Variants in PCDHB7 observed in about 807,000 individuals in gnomAD.
PCDHB7 encodes the protein protocadherin beta 7, also known as protocadherin beta-7.
For synonymous variants in PCDHB7, 542 were observed against 463.1 expected (o/e 1.17, Z -2.19); for missense variants, 1,148 against 1,011.6 (o/e 1.13, Z -1.83).
Position 141,172,683 on chromosome 5 carries a change from G to A in PCDHB7, c.-153G>A, listed in dbSNP as rs1753242244. Reference sequence around the variant, plus strand: ...ATCTGAAGAGAAAAGCATAGGAAAGGAAACAGTGGTAATAGGAATTGGGGT... The same window carrying A: ...ATCTGAAGAGAAAAGCATAGGAAAGAAAACAGTGGTAATAGGAATTGGGGT... On this transcript the variant is annotated 5_prime_UTR_variant, in exon 1 of 1. Transcript: ENST00000231137. 1 of 614,758 alleles carries A rather than the reference G, an allele frequency of 1.6e-6. No individual in the cohort carries two copies. Among genetic ancestry groups the A allele is most frequent in the Non-Finnish European group, 2.9e-6 (1 of 349,902 alleles). The allele number at this position is 614,758 out of a possible 1,614,324, so 38.1% of individuals were successfully genotyped here.
Position 141,174,048 on chromosome 5 carries a change from A to G in PCDHB7, c.1213A>G (p.Thr405Ala). 6.2e-7 allele frequency: 1 copy of G among 1,614,066 alleles called. No individual in the cohort carries two copies. The highest frequency in any genetic ancestry group is 2.2e-5 in the East Asian group (1 of 44,866). The change falls in exon 1 of 1, where the codon ACA (threonine) becomes GCA (alanine). Residue 405 changes from threonine to alanine, a missense_variant. Thr to Ala is a moderately conservative substitution (Grantham distance 58, BLOSUM62 0). Transcript: ENST00000231137. ...TGTCGAAAACTTCTATACTCTGGTA[A>G]CAGAGAAACCTTTGGATCGAGAGAG... ...PSVENFYTLV[T>A]EKPLDRERNT...
In PCDHB7 at chr5:141,175,700, T is replaced by C. The variant is rs1753365442; in HGVS notation, c.*483T>C. On this transcript the variant is annotated 3_prime_UTR_variant, in exon 1 of 1. Transcript: ENST00000231137. ...TTAGGAATGAACAAATAGATGGTCT[T>C]AGAGATTCAGTAAGTTCACTAAGTT... 5.6e-6 allele frequency: 1 copy of C among 177,124 alleles called. No homozygotes were observed. Among genetic ancestry groups the C allele is most frequent in the Admixed American group, 6.0e-5 (1 of 16,674 alleles). 11.0% of individuals were successfully genotyped at this position (177,124 alleles called of 1,614,324 possible).
chr5:141,174,408 C>A lies in PCDHB7; in HGVS notation c.1573C>A (p.Gln525Lys), dbSNP rs1554280232. ...ALRSLDYEALQAFEFRVGATD... is the reference protein window; with the variant it reads ...ALRSLDYEALKAFEFRVGATD... ...CAGGTCCCTGGACTACGAGGCCCTG[C>A]AGGCGTTCGAGTTCCGCGTGGGCGC... The change falls in exon 1 of 1, where the codon CAG becomes AAG. Residue 525 changes from glutamine (Q) to lysine (K), a missense_variant. Transcript: ENST00000231137. The A allele has an allele frequency of 1.2e-6, 2 of 1,612,388 alleles. No homozygotes were observed. The highest frequency in any genetic ancestry group is 2.2e-5 in the East Asian group (1 of 44,846).
At position 141,174,764 on chromosome 5, in the gene PCDHB7, G is replaced by T. The variant is rs367613098; in HGVS notation, c.1929G>T (p.Leu643=). 2.7e-5 allele frequency: 43 copies of T among 1,611,264 alleles called. No individual in the cohort carries two copies. The highest frequency in any genetic ancestry group is 2.5e-4 in the East Asian group (11 of 44,836). The change falls in exon 1 of 1, where the codon CTG becomes CTT. Residue 643 remains leucine, a synonymous_variant. Coordinates refer to ENST00000231137, the MANE Select transcript of PCDHB7 (RefSeq NM_018940.4). ...CAGCCAAGCAGAGGCTGGTGGTGCT[G>T]GTCAAGGACAATGGCGAGCCTCCGC... ...RDAAKQRLVV[L]VKDNGEPPRS...
rs1366391414 is a variant in PCDHB7 at position 141,174,438 on chromosome 5, G to C, written c.1603G>C (p.Asp535His). The C allele has an allele frequency of 6.2e-7, 1 of 1,611,764 alleles. No individual in the cohort carries two copies. Among genetic ancestry groups the C allele is most frequent in the Non-Finnish European group, 8.5e-7 (1 of 1,179,796 alleles). Residue 535 changes from aspartate to histidine, a missense_variant, in exon 1 of 1, where the codon GAC (aspartate) becomes CAC (histidine). Coordinates refer to ENST00000231137, the MANE Select transcript of PCDHB7 (RefSeq NM_018940.4). ...QAFEFRVGATDRGSPALSSEA... is the reference protein window; with the variant it reads ...QAFEFRVGATHRGSPALSSEA... Reference sequence around the variant, plus strand: ...GTTCGAGTTCCGCGTGGGCGCCACAGACCGCGGCTCCCCCGCGCTGAGCAG... The same window carrying C: ...GTTCGAGTTCCGCGTGGGCGCCACACACCGCGGCTCCCCCGCGCTGAGCAG...
chr5:141,173,106 G>T lies in PCDHB7; in HGVS notation c.271G>T (p.Asp91Tyr). Residue 91 changes from aspartate (D) to tyrosine (Y), a missense_variant, in exon 1 of 1, where the codon GAC becomes TAC. Physicochemically the swap from Asp to Tyr is radical, Grantham distance 160. Coordinates refer to ENST00000231137, the MANE Select transcript of PCDHB7 (RefSeq NM_018940.4). ...TGATCTACTTCTAAATGAGAAATTG[G>T]ACCGAGAGGAACTGTGTGGCCCCAG... ...TGDLLLNEKL[D>Y]REELCGPREP... 6.2e-7 allele frequency: 1 copy of T among 1,614,190 alleles called. No homozygotes were observed. The highest frequency in any genetic ancestry group is 1.1e-5 in the South Asian group (1 of 91,084).
chr5:141,175,305 C>A lies in PCDHB7; in HGVS notation c.*88C>A. 1 of 1,274,202 alleles carries A rather than the reference C, an allele frequency of 7.8e-7. No homozygotes were observed. The highest frequency in any genetic ancestry group is 2.4e-5 in the Admixed American group (1 of 41,228). 78.9% of individuals were successfully genotyped at this position (1,274,202 alleles called of 1,614,324 possible). ...TTCCCTTAAGGGAGTGTCTTTACATCATTTCAAATATGTACTCTTGAAGTC... is the reference window on the plus strand; with the variant it reads ...TTCCCTTAAGGGAGTGTCTTTACATAATTTCAAATATGTACTCTTGAAGTC... On this transcript the variant is annotated 3_prime_UTR_variant, in exon 1 of 1. Transcript: ENST00000231137.
At position 141,173,281 on chromosome 5, in the gene PCDHB7, G is replaced by C. The variant is rs782446116; in HGVS notation, c.446G>C (p.Gly149Ala). The C allele has an allele frequency of 6.6e-5, 107 of 1,613,968 alleles. No homozygotes were observed. The highest frequency in any genetic ancestry group is 8.4e-5 in the Non-Finnish European group (99 of 1,180,016). The part of the protein sequence containing the change: ...SLKILESTTP[G>A]AAFLLESAQD... Reference sequence around the variant, plus strand: ...AAAATATTAGAAAGTACCACTCCAGGGGCGGCATTTCTCCTAGAGAGTGCA... The same window carrying C: ...AAAATATTAGAAAGTACCACTCCAGCGGCGGCATTTCTCCTAGAGAGTGCA... Residue 149 changes from glycine to alanine, a missense_variant, in exon 1 of 1, where the codon GGG becomes GCG. By Grantham distance (60) the Gly-to-Ala change is moderately conservative. Transcript: ENST00000231137.
chr5:141,175,474 T>C lies in PCDHB7; in HGVS notation c.*257T>C, dbSNP rs1192742850. The C allele has an allele frequency of 2.4e-5, 12 of 510,634 alleles. No individual in the cohort carries two copies. The South Asian group carries it at 2.4e-4, about 10-fold the overall frequency. 31.6% of individuals were successfully genotyped at this position (510,634 alleles called of 1,614,324 possible). On this transcript the variant is annotated 3_prime_UTR_variant, in exon 1 of 1. Coordinates refer to ENST00000231137, the MANE Select transcript of PCDHB7 (RefSeq NM_018940.4). ...TATTAAATGTAAGTCTTGTTTGAGA[T>C]ATTTTAAATTGCTTTCCATTGTTTT...
chr5:141,173,418 G>C lies in PCDHB7; in HGVS notation c.583G>C (p.Val195Leu). ...SGEGNIYPEL[V>L]LNQVLDREEI... Reference sequence around the variant, plus strand: ...GGAGGGGAATATCTATCCCGAATTGGTGCTGAATCAAGTGCTGGATCGGGA... The same window carrying C: ...GGAGGGGAATATCTATCCCGAATTGCTGCTGAATCAAGTGCTGGATCGGGA... Residue 195 changes from valine (V) to leucine (L), a missense_variant, in exon 1 of 1, where the codon GTG becomes CTG. Coordinates refer to ENST00000231137, the MANE Select transcript of PCDHB7 (RefSeq NM_018940.4). The C allele has an allele frequency of 6.2e-7, 1 of 1,614,148 alleles. No homozygotes were observed. Among genetic ancestry groups the C allele is most frequent in the South Asian group, 1.1e-5 (1 of 91,072 alleles).
Position 141,173,178 on chromosome 5 carries a change from C to A in PCDHB7, c.343C>A (p.Gln115Lys), listed in dbSNP as rs573512962. Residue 115 changes from glutamine (Q) to lysine (K), a missense_variant, in exon 1 of 1, where the codon CAG becomes AAG. Coordinates refer to ENST00000231137, the MANE Select transcript of PCDHB7 (RefSeq NM_018940.4). ...PFQLLLEKPF[Q>K]IFRAELWVRD... is the part of the protein sequence containing the mutation. Reference sequence around the variant, plus strand: ...CCAGTTGTTATTGGAAAAACCTTTTCAGATTTTCCGTGCTGAACTATGGGT... The same window carrying A: ...CCAGTTGTTATTGGAAAAACCTTTTAAGATTTTCCGTGCTGAACTATGGGT... 6.2e-7 allele frequency: 1 copy of A among 1,613,642 alleles called. No individual in the cohort carries two copies. The highest frequency in any genetic ancestry group is 1.3e-5 in the African/African-American group (1 of 74,874).
rs1588349593 is a variant in PCDHB7, at chr5:141,174,727, G to A, written c.1892G>A (p.Ser631Asn). 6.2e-7 allele frequency: 1 copy of A among 1,611,112 alleles called. No homozygotes were observed. Among genetic ancestry groups the A allele is most frequent in the Non-Finnish European group, 8.5e-7 (1 of 1,179,758 alleles). Reference sequence around the variant, plus strand: ...GAGGTGCGTACCGCCAGGCTGCTGAGCGAGCGCGACGCAGCCAAGCAGAGG... The same window carrying A: ...GAGGTGCGTACCGCCAGGCTGCTGAACGAGCGCGACGCAGCCAAGCAGAGG... ...NGEVRTARLL[S>N]ERDAAKQRLV... The change falls in exon 1 of 1, where the codon AGC becomes AAC. Residue 631 changes from serine to asparagine, a missense_variant. By Grantham distance (46) the Ser-to-Asn change is conservative. Transcript: ENST00000231137.
At position 141,173,960 on chromosome 5, in the gene PCDHB7, C is replaced by T. The variant is rs1563916158; in HGVS notation, c.1125C>T (p.Ser375=). 2 of 1,613,756 alleles carry T rather than the reference C, an allele frequency of 1.2e-6. No homozygotes were observed. Among genetic ancestry groups the T allele is most frequent in the East Asian group, 2.2e-5 (1 of 44,860 alleles). ...VAVFRIRDRD[S]GNNGKTVCSI... Reference sequence around the variant, plus strand: ...TTTTTAGGATTAGAGACAGAGATTCCGGGAACAATGGAAAGACAGTGTGCT... The same window carrying T: ...TTTTTAGGATTAGAGACAGAGATTCTGGGAACAATGGAAAGACAGTGTGCT... The change falls in exon 1 of 1, where the codon TCC becomes TCT. Residue 375 remains serine, a synonymous_variant. Transcript: ENST00000231137.
rs782810712 is a variant in PCDHB7, at chr5:141,172,852, A to G, written c.17A>G (p.Glu6Gly). ...CAAAGAAGAATGGAGGCCAGAGTGGAGCGTGCTGTGCAGAAAAGGCAAGTC... is the reference window on the plus strand; with the variant it reads ...CAAAGAAGAATGGAGGCCAGAGTGGGGCGTGCTGTGCAGAAAAGGCAAGTC... MEARV[E>G]RAVQKRQVLF... The change falls in exon 1 of 1, where the codon GAG becomes GGG. Residue 6 changes from glutamate to glycine, a missense_variant. Physicochemically the swap from Glu to Gly is moderately conservative, Grantham distance 98 (BLOSUM62 -2). Coordinates refer to ENST00000231137, the MANE Select transcript of PCDHB7 (RefSeq NM_018940.4). The G allele has an allele frequency of 2.5e-6, 4 of 1,612,834 alleles. No homozygotes were observed. In the East Asian group the frequency reaches 8.9e-5, roughly 36 times the overall value.
rs1554280239 is a variant in PCDHB7 at position 141,174,428 on chromosome 5, G to C, written c.1593G>C (p.Val531=). The change falls in exon 1 of 1, where the codon GTG becomes GTC. Residue 531 remains valine, a synonymous_variant. Transcript: ENST00000231137. ...YEALQAFEFR[V]GATDRGSPAL... The stretch of plus-strand genomic sequence containing the variant: ...CCCTGCAGGCGTTCGAGTTCCGCGT[G>C]GGCGCCACAGACCGCGGCTCCCCCG... 3 of 1,611,976 alleles carry C rather than the reference G, an allele frequency of 1.9e-6. No homozygotes were observed. Among genetic ancestry groups the C allele is most frequent in the Non-Finnish European group, 2.5e-6 (3 of 1,179,762 alleles).
chr5:141,172,920 G>A lies in PCDHB7; in HGVS notation c.85G>A (p.Glu29Lys), dbSNP rs782787249. 1.3e-5 allele frequency: 21 copies of A among 1,614,064 alleles called. No homozygotes were observed. The highest frequency in any genetic ancestry group is 2.2e-5 in the East Asian group (1 of 44,890). ...TCTGGGAATGTCTTGGGCTGGCGCC[G>A]AACCGCTTCGGTATTTTGTGGCGGA... is the stretch of plus-strand genomic sequence containing the variant. ...VFLGMSWAGA[E>K]PLRYFVAEET... Residue 29 changes from glutamate to lysine, a missense_variant, in exon 1 of 1, where the codon GAA (glutamate) becomes AAA (lysine). Coordinates refer to ENST00000231137, the MANE Select transcript of PCDHB7 (RefSeq NM_018940.4).
chr5:141,173,661 G>A lies in PCDHB7; in HGVS notation c.826G>A (p.Glu276Lys), dbSNP rs782536908. The change falls in exon 1 of 1, where the codon GAA becomes AAA. Residue 276 changes from glutamate (E) to lysine (K), a missense_variant. Physicochemically the swap from Glu to Lys is moderately conservative, Grantham distance 56. Transcript: ENST00000231137. ...ARDLDTGSNG[E>K]IAYAFSYATE... ...AGATTTAGATACCGGAAGTAATGGG[G>A]AAATAGCCTATGCATTTTCTTACGC... 12 of 1,614,170 alleles carry A rather than the reference G, an allele frequency of 7.4e-6. No homozygotes were observed. The South Asian group carries it at 1.2e-4, about 16-fold the overall frequency.
Position 141,174,435 on chromosome 5 carries a change from A to G in PCDHB7, c.1600A>G (p.Thr534Ala), listed in dbSNP as rs17844463. The G allele has an allele frequency of 1.2e-5, 20 of 1,611,718 alleles. No homozygotes were observed. The African/African-American group carries it at 2.3e-4, about 18-fold the overall frequency. ...GGCGTTCGAGTTCCGCGTGGGCGCC[A>G]CAGACCGCGGCTCCCCCGCGCTGAG... is the stretch of plus-strand genomic sequence containing the variant. ...LQAFEFRVGA[T>A]DRGSPALSSE... The change falls in exon 1 of 1, where the codon ACA becomes GCA. Residue 534 changes from threonine (T) to alanine (A), a missense_variant. Thr to Ala is a moderately conservative substitution (Grantham distance 58). Coordinates refer to ENST00000231137, the MANE Select transcript of PCDHB7 (RefSeq NM_018940.4).
At position 141,173,474 on chromosome 5, in the gene PCDHB7, C is replaced by T; in HGVS notation, c.639C>T (p.Thr213=). 6.2e-7 allele frequency: 1 copy of T among 1,614,160 alleles called. No individual in the cohort carries two copies. Among genetic ancestry groups the T allele is most frequent in the African/African-American group, 1.3e-5 (1 of 75,042 alleles). Residue 213 remains threonine, a synonymous_variant, in exon 1 of 1, where the codon ACC becomes ACT. Coordinates refer to ENST00000231137, the MANE Select transcript of PCDHB7 (RefSeq NM_018940.4). ...EEIPEFSLTL[T]ALDGGSPPRS... is the part of the protein sequence containing the mutation. ...TACCAGAGTTCAGTTTAACCCTCAC[C>T]GCTTTAGACGGCGGCTCTCCTCCAA...
Sources: gnomAD v4.1 joint callset for allele counts on GRCh38, gnomAD v4.1.1 for gene constraint, MANE v1.5 for transcripts, NCBI Gene and HGNC (gene_info 2026-07-23, HGNC 2026-07-21) for gene names.